The following CDK14 variants were observed in gnomAD, a reference collection of about 807,000 sequenced individuals.
CDK14 encodes the protein cyclin-dependent kinase 14.
In CDK14, 34 loss-of-function variants were observed where a neutral mutation model predicts 60.7. The observed-to-expected ratio is 0.56, with a 90% CI of 0.43 to 0.75. CDK14 has a LOEUF of 0.75. CDK14 is among the 30% of genes least tolerant of loss of function. The pLI is 0.00. For synonymous variants in CDK14, 197 were observed against 203.7 expected (o/e 0.97, Z 0.28); for missense variants, 482 against 564.1 (o/e 0.85, Z 1.47).
At chr7:91,015,108 G>A (rs1796262475) in intron 10 of CDK14, among the ~76,000 whole-genome samples, 1 of 152,000 alleles carries the variant, frequency 6.6e-6, no homozygotes, top group South Asian at 2.1e-4. Context: ...TTGTGTTTTT[G>A]CTAATTTTTT....
chr7:90,880,100 T>C (rs1307334218), intron 6 of CDK14, among the ~76,000 whole-genome samples: 1 of 152,228 alleles, frequency 6.6e-6, no homozygotes, highest in East Asian at 1.9e-4. Flanking sequence ...CGATCAGCAT[T>C]GGCTGCAGCT....
At chr7:91,013,762 A>T (rs1796229932) in intron 10 of CDK14, among the ~76,000 whole-genome samples, 1 of 150,884 alleles carries the variant, frequency 6.6e-6, no homozygotes, top group South Asian at 2.1e-4. Context: ...TCTCACAATG[A>T]TAATCACAAG....
chr7:90,716,439 G>A (rs1802251635), intron 2 of CDK14: 1 of 152,038 alleles, frequency 6.6e-6, no homozygotes, highest in African/African-American at 2.4e-5. Flanking sequence ...TTCTACTTAG[G>A]ATAATTTTGT....
intron 2 of CDK14, among the ~76,000 whole-genome samples, chr7:90,720,626 A>G (rs1802414163): frequency 6.6e-6 from 1 of 152,224 alleles, no homozygotes; most frequent in Admixed American, 6.5e-5. Context: ...AACAAAGAAG[A>G]CATATGTAAA....
chr7:90,983,000 T>C (rs1795271646), intron 9 of CDK14, among the ~76,000 whole-genome samples: 1 of 152,134 alleles, frequency 6.6e-6, no homozygotes, highest in Admixed American at 6.5e-5. Context: ...CACAATGAGA[T>C]ACTACCTCAC....
chr7:90,849,127 G>A (rs889624668), intron 5 of CDK14, among the ~76,000 whole-genome samples: 2 of 152,094 alleles, frequency 1.3e-5, no homozygotes, highest in Admixed American at 6.6e-5. Flanking sequence ...GGTCGTGGGG[G>A]CGGATCCCTC....
intron 2 of CDK14, among the ~76,000 whole-genome samples, chr7:90,691,752 A>T (rs1193904140): frequency 2.6e-5 from 4 of 152,202 alleles, no homozygotes; most frequent in African/African-American, 9.6e-5. Context: ...CATCACCACC[A>T]TCCAACTACG....
At chr7:90,606,418 C>T (rs1217629261) in intron 2 of CDK14, among the ~76,000 whole-genome samples, 1 of 152,116 alleles carries the variant, frequency 6.6e-6, no homozygotes, top group Non-Finnish European at 1.5e-5. Context: ...AATAATGGCT[C>T]ACAAAAAGTG....
intron 14 of CDK14, among the ~76,000 whole-genome samples, chr7:91,124,755 G>A (rs771276333): frequency 4.6e-5 from 7 of 152,184 alleles, no homozygotes; most frequent in Non-Finnish European, 8.8e-5. Flanking sequence ...CATAATATGA[G>A]TGAAGCTTTC....
At chr7:90,679,016 C>T (rs1244214469) in intron 2 of CDK14, among the ~76,000 whole-genome samples, 3 of 152,152 alleles carry the variant, frequency 2.0e-5, no homozygotes, top group African/African-American at 4.8e-5. Flanking sequence ...GTAGTGCAAA[C>T]AAGTCTCACT....
intron 5 of CDK14, among the ~76,000 whole-genome samples, chr7:90,794,123 C>A (rs2116978877): frequency 6.6e-6 from 1 of 152,092 alleles, no homozygotes; most frequent in East Asian, 1.9e-4. Flanking sequence ...AGCCGTAAAA[C>A]CAGCAAGTTT....
At chr7:90,699,185 A>T (rs1801729763) in intron 2 of CDK14, among the ~76,000 whole-genome samples, 1 of 152,234 alleles carries the variant, frequency 6.6e-6, no homozygotes, top group Non-Finnish European at 1.5e-5. Context: ...TGACTGAGAA[A>T]ATGAGTCTGA....
At chr7:90,840,311 C>T (rs1790248307) in intron 5 of CDK14, among the ~76,000 whole-genome samples, 1 of 152,190 alleles carries the variant, frequency 6.6e-6, no homozygotes, top group African/African-American at 2.4e-5. Flanking sequence ...CTGAGTGGAG[C>T]TCAAGTCTTA....
intron 14 of CDK14, among the ~76,000 whole-genome samples, chr7:91,166,602 A>T (rs1346044505): frequency 6.6e-6 from 1 of 152,246 alleles, no homozygotes; most frequent in Non-Finnish European, 1.5e-5. Flanking sequence ...GCAGAGCCTT[A>T]TGCTTTTCAT....
chr7:90,639,119 C>T (rs550023679), intron 2 of CDK14, among the ~76,000 whole-genome samples: 3 of 152,348 alleles, frequency 2.0e-5, no homozygotes, highest in East Asian at 1.9e-4. Context: ...CTGAAGCCTT[C>T]TTCTCTCAAC....
intron 3 of CDK14, among the ~76,000 whole-genome samples, chr7:90,739,571 A>T (rs1036736676): frequency 6.6e-6 from 1 of 152,220 alleles, no homozygotes; most frequent in Admixed American, 6.5e-5. Flanking sequence ...GTGCCTTTCC[A>T]GAAAGAGAAA....
intron 10 of CDK14, among the ~76,000 whole-genome samples, chr7:91,035,833 CT>C (rs34091498): frequency 3.7e-4 from 37 of 99,234 alleles, no homozygotes; most frequent in African/African-American, 9.7e-4. Context: ...GCTTCATGGT[CT>C]TTTTTTTTTT....
At chr7:91,185,192 G>GT (rs1802132124) in intron 14 of CDK14, among the ~76,000 whole-genome samples, 1 of 149,652 alleles carries the variant, frequency 6.7e-6, no homozygotes, top group Admixed American at 6.7e-5. Context: ...TTCAGAGAGA[G>GT]TAAACAATGA....
chr7:90,694,377 A>G (rs1801615169), intron 2 of CDK14, among the ~76,000 whole-genome samples: 1 of 152,252 alleles, frequency 6.6e-6, no homozygotes, highest in African/African-American at 2.4e-5. Flanking sequence ...TTGATTACAA[A>G]TTAAACGTAG....
Sources: allele counts gnomAD v4.1 joint callset (sites outside exome capture counted in the v4.1 genomes callset), GRCh38; gene constraint gnomAD v4.1.1; transcripts MANE v1.5; gene names NCBI Gene and HGNC (gene_info 2026-07-23, HGNC 2026-07-21).